TAFA1: variants seen among roughly 807,000 people sequenced by gnomAD.
TAFA1 encodes the protein TAFA chemokine like family member 1, also known as chemokine-like protein TAFA-1.
A neutral mutation model predicts 18.5 loss-of-function variants in TAFA1; 4 were observed. That is an observed-to-expected ratio of 0.22 (90% confidence interval 0.11 to 0.49). TAFA1 has a LOEUF of 0.49. Ranked by LOEUF, TAFA1 falls within the 20% of genes least tolerant of loss-of-function variation. The pLI, the probability that TAFA1 is intolerant of heterozygous loss-of-function variation, is 0.98. For missense variants in TAFA1, 147 were observed against 169.0 expected, an observed-to-expected ratio of 0.87 and a Z score of 0.72; for synonymous variants, 56 against 55.2, an observed-to-expected ratio of 1.01 and a Z score of -0.06.
At chr3:68,478,457 A>T (rs1213921679) in intron 3 of TAFA1, among the ~76,000 whole-genome samples, 7 of 152,256 alleles carry the variant, frequency 4.6e-5, no homozygotes, top group Non-Finnish European at 1.0e-4. Context: ...TAAGGCTTAG[A>T]GTCTGCAAAA....
intron 2 of TAFA1, among the ~76,000 whole-genome samples, chr3:68,308,474 T>C (rs577727293): frequency 6.6e-6 from 1 of 152,290 alleles, no homozygotes; most frequent in Non-Finnish European, 1.5e-5. Flanking sequence ...AGTAAGTTGA[T>C]GCCTTTATAA....
chr3:68,259,895 T>G (rs2067378599), intron 2 of TAFA1, among the ~76,000 whole-genome samples: 1 of 152,074 alleles, frequency 6.6e-6, no homozygotes, highest in Non-Finnish European at 1.5e-5. Flanking sequence ...AGGGACAATT[T>G]GACTTCCTCT....
At chr3:68,240,669 C>G (rs556287611) in intron 2 of TAFA1, among the ~76,000 whole-genome samples, 2 of 152,268 alleles carry the variant, frequency 1.3e-5, no homozygotes, top group East Asian at 1.9e-4. Flanking sequence ...GTATATCACT[C>G]TCCTTTGGAA....
intron 2 of TAFA1, among the ~76,000 whole-genome samples, chr3:68,401,024 C>G (rs1345943783): frequency 6.6e-6 from 1 of 152,170 alleles, no homozygotes; most frequent in African/African-American, 2.4e-5. Flanking sequence ...CACAGCCAGG[C>G]GTTGTGCTGG....
chr3:68,254,299 A>G (rs1371817636), intron 2 of TAFA1, among the ~76,000 whole-genome samples: 1 of 152,142 alleles, frequency 6.6e-6, no homozygotes, highest in Non-Finnish European at 1.5e-5. Context: ...AAAGACAGTG[A>G]AATAATTACT....
At chr3:68,469,351 C>T in intron 3 of TAFA1, among the ~76,000 whole-genome samples, 1 of 152,200 alleles carries the variant, frequency 6.6e-6, no homozygotes, top group East Asian at 1.9e-4. Context: ...TGCTCACTTC[C>T]AAGACTGGCT....
chr3:68,527,466 C>G (rs1003380784), intron 3 of TAFA1, among the ~76,000 whole-genome samples: 1 of 152,016 alleles, frequency 6.6e-6, no homozygotes, highest in African/African-American at 2.4e-5. Context: ...GTCAAGGTAG[C>G]CTTTTATATC....
At chr3:68,478,520 G>T (rs1010742350) in intron 3 of TAFA1, among the ~76,000 whole-genome samples, 1 of 152,172 alleles carries the variant, frequency 6.6e-6, no homozygotes, top group Non-Finnish European at 1.5e-5. Context: ...GAAGCTAAAA[G>T]TTGAAATAGT....
At chr3:68,211,894 C>T (rs920543610) in intron 2 of TAFA1, among the ~76,000 whole-genome samples, 2 of 152,062 alleles carry the variant, frequency 1.3e-5, no homozygotes, top group Non-Finnish European at 2.9e-5. Flanking sequence ...GGAATCCACC[C>T]TCATGATCAA....
intron 2 of TAFA1, among the ~76,000 whole-genome samples, chr3:68,162,754 A>G (rs2106942559): frequency 6.6e-6 from 1 of 152,342 alleles, no homozygotes; most frequent in African/African-American, 2.4e-5. Flanking sequence ...TTAAGCCCAG[A>G]CAAGAGGCAG....
At chr3:68,479,603 A>G (rs2106651850) in intron 3 of TAFA1, among the ~76,000 whole-genome samples, 1 of 152,252 alleles carries the variant, frequency 6.6e-6, no homozygotes, top group East Asian at 1.9e-4. Context: ...AATACTTGAT[A>G]TATTTATATA....
At chr3:68,164,302 G>A (rs1340251766) in intron 2 of TAFA1, among the ~76,000 whole-genome samples, 2 of 152,118 alleles carry the variant, frequency 1.3e-5, no homozygotes, top group Admixed American at 6.5e-5. Context: ...GCTGTTTAAT[G>A]TACATGAACT....
At chr3:68,529,259 A>T (rs1209816381) in intron 3 of TAFA1, among the ~76,000 whole-genome samples, 3 of 151,664 alleles carry the variant, frequency 2.0e-5, no homozygotes, top group Non-Finnish European at 4.4e-5. Flanking sequence ...CTTCTTCACA[A>T]TTCTAGTGCA....
intron 2 of TAFA1, among the ~76,000 whole-genome samples, chr3:68,253,695 A>G (rs2067240021): frequency 6.6e-6 from 1 of 152,070 alleles, no homozygotes. Flanking sequence ...TACAATGATT[A>G]TTTTCTGAAT....
At chr3:68,462,037 G>C (rs773337286) in intron 3 of TAFA1, among the ~76,000 whole-genome samples, 1 of 152,006 alleles carries the variant, frequency 6.6e-6, no homozygotes, top group Non-Finnish European at 1.5e-5. Flanking sequence ...ACTGTTAAAA[G>C]TTACACTTTG....
chr3:67,993,297 C>T, the TAFA1 span, among the ~76,000 whole-genome samples: 1 of 152,138 alleles, frequency 6.6e-6, no homozygotes, highest in Non-Finnish European at 1.5e-5. Flanking sequence ...ATACAGCAAA[C>T]GAAGGAGACT....
chr3:68,091,098 C>A (rs1285165523), intron 2 of TAFA1, among the ~76,000 whole-genome samples: 1 of 152,164 alleles, frequency 6.6e-6, no homozygotes, highest in Non-Finnish European at 1.5e-5. Context: ...TTCTAATCAG[C>A]TGGACAATCT....
At chr3:68,109,186 A>G (rs1310376668) in intron 2 of TAFA1, among the ~76,000 whole-genome samples, 1 of 152,180 alleles carries the variant, frequency 6.6e-6, no homozygotes, top group Admixed American at 6.5e-5. Flanking sequence ...TTGAAAAGAA[A>G]AAAAAGGTGT....
intron 2 of TAFA1, among the ~76,000 whole-genome samples, chr3:68,147,919 A>G (rs1326358315): frequency 2.0e-5 from 3 of 152,210 alleles, no homozygotes; most frequent in African/African-American, 7.2e-5. Context: ...ATAAAATATA[A>G]CATTATTGTT....
Sources: allele counts gnomAD v4.1 joint callset (sites outside exome capture counted in the v4.1 genomes callset), GRCh38; gene constraint gnomAD v4.1.1; transcripts MANE v1.5; gene names NCBI Gene and HGNC (gene_info 2026-07-23, HGNC 2026-07-21).